The following TTC12 variants were observed in gnomAD, a reference collection of about 807,000 sequenced individuals.
TTC12 encodes tetratricopeptide repeat protein 12.
Under a neutral mutation model 90.1 loss-of-function variants are expected in TTC12, and 70 were observed. The ratio of observed to expected loss-of-function variants is 0.78; its 90% confidence interval spans 0.64 to 0.95. The LOEUF (loss-of-function observed/expected upper bound fraction) is 0.95. Ranked by LOEUF, TTC12 falls within the 40% of genes least tolerant of loss-of-function variation. The probability of loss-of-function intolerance (pLI) is 0.00; values close to 1 mark genes in which losing one functional copy is unlikely to be tolerated. For synonymous variants in TTC12, 296 were observed against 311.5 expected, an observed-to-expected ratio of 0.95 and a Z score of 0.53; for missense variants, 819 against 846.1, an observed-to-expected ratio of 0.97 and a Z score of 0.40.
chr11:113,340,742 G>A lies in TTC12; in HGVS notation c.896+9G>A. ...AACGAGGTCATAAGAAGGTAGGGAT[G>A]TTCATAGAGACAGCCCAGCAGCAAA... On this transcript the variant is annotated intron_variant, in intron 11 of 21. Coordinates refer to ENST00000529221, the MANE Select transcript of TTC12 (RefSeq NM_017868.4). 1 of 1,609,728 alleles carries A rather than the reference G, an allele frequency of 6.2e-7. No homozygotes were observed.
intron 7 of TTC12, among the ~76,000 whole-genome samples, chr11:113,333,988 A>G (rs1377994775): frequency 6.6e-6 from 1 of 152,168 alleles, no homozygotes; most frequent in Non-Finnish European, 1.5e-5. Flanking sequence ...CTTTCTCACA[A>G]CAACCTGAGA....
chr11:113,326,118 G>A (rs974600257), intron 6 of TTC12, among the ~76,000 whole-genome samples: 4 of 152,156 alleles, frequency 2.6e-5, no homozygotes, highest in Non-Finnish European at 5.9e-5. Context: ...TTCTGCGACA[G>A]GGATAAAGTG....
exon 22 of TTC12, chr11:113,373,275 A>G (rs1434791797): frequency 1.3e-5 from 12 of 959,670 alleles, no homozygotes; most frequent in African/African-American, 1.8e-5. Flanking sequence ...AATTCATAAC[A>G]TAATGACTTC....
At chr11:113,342,040 C>A in intron 12 of TTC12, 115 bp downstream of exon 12, 1 of 829,252 alleles carries the variant, frequency 1.2e-6, no homozygotes, top group Admixed American at 1.9e-5. Context: ...GTCTAGACTT[C>A]CGCACACACC....
intron 2 of TTC12, among the ~76,000 whole-genome samples, chr11:113,317,760 A>T (rs949854865): frequency 1.3e-5 from 2 of 151,476 alleles, no homozygotes; most frequent in Non-Finnish European, 1.5e-5. Flanking sequence ...TGTGTTTCAC[A>T]CTCTGCACTG....
At position 113,353,039 on chromosome 11, in the gene TTC12, T is replaced by C. The variant is rs185131365; in HGVS notation, c.1446+832T>C. ...ATCTCTGTTTTAGGTCTTTGAGGAA[T>C]AGCCACACTGTCTTCCACAATGGTT... On this transcript the variant is annotated intron_variant, in intron 16 of 21. Coordinates refer to ENST00000529221, the MANE Select transcript of TTC12 (RefSeq NM_017868.4). 2.1e-3 allele frequency among the ~76,000 whole-genome samples: 323 copies of C among 152,372 alleles called. 3 individuals are homozygous for C. The highest frequency in any genetic ancestry group is 7.5e-3 in the African/African-American group (311 of 41,592).
At chr11:113,340,871 G>T in intron 11 of TTC12, 138 bp downstream of exon 11, 1 of 697,852 alleles carries the variant, frequency 1.4e-6, no homozygotes. Flanking sequence ...GGCTCTCCAG[G>T]AGTGCAAAGC....
chr11:113,368,596 T>C (rs1380766589), downstream of TTC12: 1 of 1,133,304 alleles, frequency 8.8e-7, no homozygotes, highest in East Asian at 2.6e-5. Flanking sequence ...AGTCCAGAGC[T>C]GCTCACTGTC....
At chr11:113,324,335 C>A in intron 4 of TTC12, 2 of 537,654 alleles carry the variant, frequency 3.7e-6, no homozygotes, top group Non-Finnish European at 6.5e-6. Context: ...AAAAAAATCT[C>A]TCTTCAAAGA....
At chr11:113,359,890 A>T (rs1273374180) in intron 17 of TTC12, 50 bp from the exon 18 acceptor site, 2 of 1,453,880 alleles carry the variant, frequency 1.4e-6, no homozygotes, top group African/African-American at 2.8e-5. Context: ...CTGAGAATTC[A>T]GATTGTCAGA....
chr11:113,315,141 C>T (rs1036693408), intron 1 of TTC12: 4 of 122,826 alleles, frequency 3.3e-5, no homozygotes, highest in Middle Eastern at 3.8e-3. Context: ...AAGATTTGAC[C>T]TGGAAGAAAC....
intron 1 of TTC12, chr11:113,315,123 G>C (rs1438944937): frequency 6.8e-6 from 1 of 147,696 alleles, no homozygotes. Context: ...TGTTCCGTGG[G>C]AGTTGAAAAG....
At chr11:113,338,733 T>G in intron 8 of TTC12, 41 bp from the exon 9 acceptor site, 2 of 1,547,768 alleles carry the variant, frequency 1.3e-6, no homozygotes, top group African/African-American at 2.7e-5. Flanking sequence ...ATAATCACCT[T>G]TACCCCAACC....
intron 13 of TTC12, among the ~76,000 whole-genome samples, chr11:113,346,467 G>A (rs782056235): frequency 2.0e-5 from 3 of 152,040 alleles, no homozygotes; most frequent in East Asian, 1.9e-4. Context: ...TAAAGACGTC[G>A]AGGTCCAAGT....
intron 18 of TTC12, among the ~76,000 whole-genome samples, 196 bp from the exon 19 acceptor site, chr11:113,362,205 G>T (rs782505989): frequency 6.6e-6 from 1 of 152,130 alleles, no homozygotes; most frequent in Non-Finnish European, 1.5e-5. Flanking sequence ...CCTCTGGGTG[G>T]CAAGGGGCTA....
Position 113,344,437 on chromosome 11 carries a change from C to T in TTC12, c.1151C>T (p.Thr384Ile), listed in dbSNP as rs782129434. The change falls in exon 13 of 22, where the codon ACC (threonine) becomes ATC (isoleucine). Residue 384 changes from threonine (T) to isoleucine (I), a missense_variant. By Grantham distance (89) the Thr-to-Ile change is moderately conservative. Transcript: ENST00000529221. ...CTGATCATCAACCACCTTGACCTGA[C>T]CAGGTAAGCCTCTGCTGGCAGGATC... ...RSLIINHLDL[T>I]RLLEALVSFL... 4 of 1,610,840 alleles carry T rather than the reference C, an allele frequency of 2.5e-6. No individual in the cohort carries two copies. In the East Asian group the frequency reaches 6.7e-5, roughly 27 times the overall value.
At chr11:113,347,592 T>G (rs1420869127) in intron 13 of TTC12, among the ~76,000 whole-genome samples, 1 of 152,198 alleles carries the variant, frequency 6.6e-6, no homozygotes, top group East Asian at 1.9e-4. Context: ...CCCGTACTAT[T>G]CTGGGGCTGA....
chr11:113,367,464 C>T (rs1950251875), downstream of TTC12, among the ~76,000 whole-genome samples: 1 of 152,196 alleles, frequency 6.6e-6, no homozygotes. Flanking sequence ...GATTACCAGA[C>T]TCTATCTTGA....
chr11:113,323,223 C>T lies in TTC12; in HGVS notation c.59-65C>T, dbSNP rs540070828. 1.0e-5 allele frequency: 13 copies of T among 1,288,040 alleles called. No homozygotes were observed. In the East Asian group the frequency reaches 2.1e-4, roughly 21 times the overall value. 79.8% of individuals were successfully genotyped at this position (1,288,040 alleles called of 1,614,324 possible). A position where few individuals can be genotyped will look rare whatever the true frequency, so the allele number is the denominator to read the frequency against. On this transcript the variant is annotated intron_variant, in intron 2 of 21. Transcript: ENST00000529221. ...TTTCCCATGCATTTTATGCACCATC[C>T]TTTCTAGTGAATAGAGTCTTTTGAA...
Sources: allele counts gnomAD v4.1 joint callset (sites outside exome capture counted in the v4.1 genomes callset), GRCh38; gene constraint gnomAD v4.1.1; transcripts MANE v1.5; gene names NCBI Gene and HGNC (gene_info 2026-07-23, HGNC 2026-07-21).